SHANK2: variants seen among roughly 807,000 people sequenced by gnomAD.
SHANK2 encodes the protein SH3 and multiple ankyrin repeat domains 2, also known as SH3 and multiple ankyrin repeat domains protein 2.
In SHANK2, 43 loss-of-function variants were observed where a neutral mutation model predicts 133.7. That is an observed-to-expected ratio of 0.32 (90% CI 0.25 to 0.41). The LOEUF (loss-of-function observed/expected upper bound fraction) is 0.41. Ranked by LOEUF, SHANK2 falls within the 10% of genes least tolerant of loss-of-function variation. The pLI, the probability that SHANK2 is intolerant of heterozygous loss-of-function variation, is 1.00. For missense variants in SHANK2, 1,994 were observed against 2,235.8 expected (o/e 0.89, Z 2.18); for synonymous variants, 1,017 against 952.8 (o/e 1.07, Z -1.24).
chr11:71,118,921 C>T lies in SHANK2; in HGVS notation c.319G>A (p.Ala107Thr). ...AACTTGCCGTCACGCCCATTGCTGGCCGGCTGGAACAGGCCGTAGTTCAGG... is the reference window on the plus strand; with the variant it reads ...AACTTGCCGTCACGCCCATTGCTGGTCGGCTGGAACAGGCCGTAGTTCAGG... ...DVLNYGLFQP[A>T]SNGRDGKFLD... Residue 107 changes from alanine to threonine, a missense_variant, in exon 4 of 26, where the codon GCC becomes ACC. Coordinates refer to ENST00000601538, the MANE Select transcript of SHANK2 (RefSeq NM_012309.5). 6.4e-7 allele frequency: 1 copy of T among 1,551,770 alleles called. No homozygotes were observed. The highest frequency in any genetic ancestry group is 1.4e-5 in the African/African-American group (1 of 73,192).
intron 17 of SHANK2, among the ~76,000 whole-genome samples, chr11:70,510,014 G>A (rs1443145579): frequency 6.6e-6 from 1 of 152,210 alleles, no homozygotes; most frequent in Non-Finnish European, 1.5e-5. Context: ...GGCCACAGCT[G>A]TTTCCGTCTC....
At chr11:70,611,758 T>A (rs554470880) in intron 17 of SHANK2, among the ~76,000 whole-genome samples, 1 of 152,178 alleles carries the variant, frequency 6.6e-6, no homozygotes, top group African/African-American at 2.4e-5. Flanking sequence ...TCTAGCCATT[T>A]AGGAAGAATT....
At chr11:70,667,191 G>A (rs1425650219) in intron 15 of SHANK2, among the ~76,000 whole-genome samples, 4 of 152,158 alleles carry the variant, frequency 2.6e-5, no homozygotes, top group Non-Finnish European at 5.9e-5. Flanking sequence ...AGGCTGCCCT[G>A]GCCATGCTGC....
At chr11:70,740,001 A>G (rs1365910041) in intron 14 of SHANK2, among the ~76,000 whole-genome samples, 1 of 152,254 alleles carries the variant, frequency 6.6e-6, no homozygotes, top group Admixed American at 6.5e-5. Flanking sequence ...CACACGACCC[A>G]GACCAGGGGC....
chr11:71,178,686 T>C (rs1418732926), intron 2 of SHANK2, among the ~76,000 whole-genome samples: 5 of 152,314 alleles, frequency 3.3e-5, no homozygotes, highest in Admixed American at 6.5e-5. Context: ...CAAAAAAGCA[T>C]ACTTAGTATT....
At chr11:70,908,593 G>A (rs1245830647) in intron 10 of SHANK2, among the ~76,000 whole-genome samples, 6 of 152,160 alleles carry the variant, frequency 3.9e-5, no homozygotes, top group African/African-American at 7.2e-5. Flanking sequence ...TTGGTCCTGG[G>A]ATCGAGCAGA....
intron 5 of SHANK2, among the ~76,000 whole-genome samples, chr11:71,112,265 T>A (rs140734357): frequency 0.018 from 2,746 of 152,172 alleles, 76 homozygotes; most frequent in African/African-American, 0.063. Context: ...TGGTGGTGCA[T>A]GCCTGTAATC....
Position 71,075,202 on chromosome 11 carries a change from G to T in SHANK2, c.986C>A (p.Ala329Asp). The change falls in exon 9 of 26, where the codon GCC becomes GAC. Residue 329 changes from alanine to aspartate, a missense_variant. Physicochemically the swap from Ala to Asp is moderately radical, Grantham distance 126. This residue lies in a region of SHANK2 where 653 missense variants were observed against 563.4 expected (regional missense o/e 1.16). Transcript: ENST00000601538. Reference sequence around the variant, plus strand: ...GATGTGCAAGGCCGTGTTCCCCGAGGCATTCTGGGCACTCATGTCTGCCCC... The same window carrying T: ...GATGTGCAAGGCCGTGTTCCCCGAGTCATTCTGGGCACTCATGTCTGCCCC... Reference protein sequence around the residue: ...FYGADMSAQNASGNTALHICA... With the variant: ...FYGADMSAQNDSGNTALHICA... 3.9e-6 allele frequency: 1 copy of T among 259,510 alleles called. No homozygotes were observed. The highest frequency in any genetic ancestry group is 8.7e-5 in the East Asian group (1 of 11,516). The allele number at this position is 259,510 out of a possible 1,614,324, so 16.1% of individuals were successfully genotyped here.
intron 14 of SHANK2, among the ~76,000 whole-genome samples, chr11:70,781,584 T>TATATATATA (rs1565311807): frequency 1.4e-4 from 2 of 14,504 alleles, no homozygotes; most frequent in African/African-American, 3.3e-4. Context: ...ATATATATAT[T>TATATATATA]TACTTATTTA....
At chr11:71,158,757 A>T (rs1325767404) in intron 2 of SHANK2, among the ~76,000 whole-genome samples, 1 of 152,238 alleles carries the variant, frequency 6.6e-6, no homozygotes, top group African/African-American at 2.4e-5. Context: ...AGACAAAGAC[A>T]AATAGATGGA....
chr11:70,638,216 C>T, intron 17 of SHANK2, among the ~76,000 whole-genome samples: 1 of 152,242 alleles, frequency 6.6e-6, no homozygotes, highest in Admixed American at 6.5e-5. Context: ...ACAGGCTCGG[C>T]ATAGAATGAG....
In SHANK2 at chr11:71,113,485, C is replaced by T; in HGVS notation, c.412-121G>A. The T allele has an allele frequency of 9.5e-6, 8 of 841,276 alleles. No homozygotes were observed. In the South Asian group the frequency reaches 1.2e-4, roughly 12 times the overall value. The allele number at this position is 841,276 out of a possible 1,614,324, so 52.1% of individuals were successfully genotyped here. On this transcript the variant is annotated intron_variant, in intron 4 of 25. Transcript: ENST00000601538. ...AGACGGGGAACCCCACAGCAAACTT[C>T]CAGTTTTAAATAAATGACTGGTATT... is the stretch of plus-strand genomic sequence containing the variant.
intron 2 of SHANK2, among the ~76,000 whole-genome samples, chr11:71,216,919 G>C (rs546744783): frequency 6.6e-6 from 1 of 152,282 alleles, no homozygotes; most frequent in Non-Finnish European, 1.5e-5. Flanking sequence ...TAAAGAGGCT[G>C]GGTGCAGTGG....
intron 17 of SHANK2, among the ~76,000 whole-genome samples, chr11:70,550,646 T>C (rs1395801751): frequency 2.6e-5 from 4 of 152,196 alleles, no homozygotes; most frequent in Non-Finnish European, 4.4e-5. Context: ...GGCTAAGAAC[T>C]GAGCGATGTT....
intron 11 of SHANK2, among the ~76,000 whole-genome samples, chr11:70,849,016 G>A (rs912044465): frequency 6.6e-6 from 1 of 152,130 alleles, no homozygotes; most frequent in Non-Finnish European, 1.5e-5. Flanking sequence ...GATGTGAGTG[G>A]TGCCCAGGGA....
At chr11:71,245,340 C>T (rs1235436820) in intron 1 of SHANK2, among the ~76,000 whole-genome samples, 1 of 152,154 alleles carries the variant, frequency 6.6e-6, no homozygotes. Context: ...ATTATTTATA[C>T]CAACATGTCA....
intron 25 of SHANK2, among the ~76,000 whole-genome samples, chr11:70,475,670 A>AG (rs1238462198): frequency 2.0e-5 from 3 of 152,174 alleles, no homozygotes; most frequent in Non-Finnish European, 2.9e-5. Context: ...TCCTACTGTG[A>AG]GAAGTGTTTG....
intron 11 of SHANK2, among the ~76,000 whole-genome samples, chr11:70,821,212 A>G (rs1458067311): frequency 6.6e-6 from 1 of 152,134 alleles, no homozygotes; most frequent in African/African-American, 2.4e-5. Context: ...GAGGGCCATT[A>G]GTGGGGGCCC....
intron 9 of SHANK2, among the ~76,000 whole-genome samples, chr11:71,074,866 G>C (rs888570142): frequency 1.4e-5 from 2 of 141,188 alleles, no homozygotes; most frequent in Non-Finnish European, 3.0e-5. Flanking sequence ...TGCAAGCTCC[G>C]CCTCCTGGGT....
Sources: allele counts gnomAD v4.1 joint callset (sites outside exome capture counted in the v4.1 genomes callset), GRCh38; gene constraint gnomAD v4.1.1; regional missense constraint gnomAD v4.1.1; transcripts MANE v1.5; gene names NCBI Gene and HGNC (gene_info 2026-07-23, HGNC 2026-07-21).